RBL1: variants seen among roughly 807,000 people sequenced by gnomAD.
The protein encoded by RBL1 is RB transcriptional corepressor like 1.
A neutral mutation model predicts 123.0 loss-of-function variants in RBL1; 82 were observed. The observed-to-expected ratio is 0.67, with a 90% confidence interval of 0.56 to 0.80. The LOEUF (loss-of-function observed/expected upper bound fraction) is 0.80, where lower values mean the gene tolerates loss of function less well. RBL1 is among the 30% of genes least tolerant of loss of function. The pLI is 0.00. For synonymous variants in RBL1, 405 were observed against 441.3 expected, an observed-to-expected ratio of 0.92 and a Z score of 1.03; for missense variants, 1,171 against 1,299.6, an observed-to-expected ratio of 0.90 and a Z score of 1.52.
chr20:37,075,751 G>A (rs970437317), intron 2 of RBL1, among the ~76,000 whole-genome samples: 5 of 151,920 alleles, frequency 3.3e-5, no homozygotes, highest in South Asian at 2.1e-4. Flanking sequence ...CCACTGCACC[G>A]GCCTAATTTG....
At chr20:37,053,035 A>C (rs1194391091) in intron 11 of RBL1, among the ~76,000 whole-genome samples, 1 of 152,242 alleles carries the variant, frequency 6.6e-6, no homozygotes, top group Non-Finnish European at 1.5e-5. Flanking sequence ...AGAGCTTCAA[A>C]ATACGTGGAG....
intron 2 of RBL1, among the ~76,000 whole-genome samples, chr20:37,081,179 A>G (rs1421953350): frequency 6.6e-6 from 1 of 152,218 alleles, no homozygotes; most frequent in Non-Finnish European, 1.5e-5. Flanking sequence ...CTTGTTTAAA[A>G]TTCAGCTTTG....
In RBL1 at chr20:37,035,301, G is replaced by A. The variant is rs767900977; in HGVS notation, c.2111C>T (p.Thr704Ile). The change falls in exon 15 of 22, where the codon ACA (threonine) becomes ATA (isoleucine). Residue 704 changes from threonine to isoleucine, a missense_variant. Physicochemically the swap from Thr to Ile is moderately conservative, Grantham distance 89 (BLOSUM62 -1). Coordinates refer to ENST00000373664, the MANE Select transcript of RBL1 (RefSeq NM_002895.5). ...TCCTGTTACTGGGGCTGTGGCCATT[G>A]TTAGAAGAGTTTGACCAGGTAAAAT... ...VSILPGQTLL[T>I]MATAPVTGTT... is the part of the protein sequence containing the mutation. 12 of 1,613,838 alleles carry A rather than the reference G, an allele frequency of 7.4e-6. No homozygotes were observed. The African/African-American group carries it at 1.6e-4, about 22-fold the overall frequency.
At chr20:37,068,459 C>T (rs1314572261) in intron 2 of RBL1, among the ~76,000 whole-genome samples, 1 of 151,922 alleles carries the variant, frequency 6.6e-6, no homozygotes, top group Admixed American at 6.6e-5. Context: ...GTACTCCAGC[C>T]CGGGTGACAA....
At chr20:37,004,003 A>G (rs2064029567) in intron 20 of RBL1, 137 bp from the exon 21 acceptor site, 3 of 660,058 alleles carry the variant, frequency 4.5e-6, no homozygotes, top group South Asian at 8.3e-5. Flanking sequence ...GAGAAAAAAA[A>G]TGATCCTTTA....
chr20:37,049,632 T>A, intron 11 of RBL1: 1 of 755,806 alleles, frequency 1.3e-6, no homozygotes, highest in Non-Finnish European at 2.4e-6. Context: ...CTGGAGTGTT[T>A]ATGGCAAGCC....
At position 37,003,687 on chromosome 20, in the gene RBL1, G is replaced by A; in HGVS notation, c.3036+15C>T. ...CTGTTAATCTGAAATCCAACTTTTA[G>A]CCTATTCACCTTACCTTAGAAGGGC... On this transcript the variant is annotated intron_variant, in intron 21 of 21. Coordinates refer to ENST00000373664, the MANE Select transcript of RBL1 (RefSeq NM_002895.5). 1.3e-6 allele frequency: 2 copies of A among 1,574,866 alleles called. No individual in the cohort carries two copies. The highest frequency in any genetic ancestry group is 1.7e-6 in the Non-Finnish European group (2 of 1,161,236).
At chr20:37,085,693 A>C (rs2065532501) in intron 2 of RBL1, among the ~76,000 whole-genome samples, 2 of 119,182 alleles carry the variant, frequency 1.7e-5, no homozygotes, top group South Asian at 2.5e-4. Context: ...TCACTGTGTC[A>C]CCTAGGCTGG....
chr20:37,027,190 A>G (rs2064439508), intron 16 of RBL1, among the ~76,000 whole-genome samples: 2 of 151,734 alleles, frequency 1.3e-5, no homozygotes, highest in Admixed American at 1.3e-4. Flanking sequence ...TACCAAAAAA[A>G]AAAAAAATTT....
chr20:37,083,528 T>A (rs1466653604), intron 2 of RBL1, among the ~76,000 whole-genome samples: 1 of 149,324 alleles, frequency 6.7e-6, no homozygotes, highest in Admixed American at 6.8e-5. Context: ...GGCTCACACC[T>A]GTAATCCTAG....
intron 9 of RBL1, among the ~76,000 whole-genome samples, chr20:37,060,173 A>AAAATAAAT (rs11473427): frequency 0.081 from 11,833 of 146,280 alleles, 647 homozygotes; most frequent in African/African-American, 0.13. Flanking sequence ...ACTCTGTCTC[A>AAAATAAAT]AAATAAATAA....
At chr20:37,034,867 ATTATACGT>A (rs1652146450) in intron 15 of RBL1, among the ~76,000 whole-genome samples, 1 of 152,158 alleles carries the variant, frequency 6.6e-6, no homozygotes, top group Non-Finnish European at 1.5e-5. Flanking sequence ...GATACATGTC[ATTATACGT>A]TCTCAAAATC....
intron 14 of RBL1, among the ~76,000 whole-genome samples, chr20:37,036,555 C>T (rs1484159562): frequency 2.6e-5 from 4 of 151,910 alleles, no homozygotes; most frequent in East Asian, 1.9e-4. Context: ...CTTCAGCCAC[C>T]GTGCCCGGCC....
At chr20:37,074,801 G>T (rs1352832767) in intron 2 of RBL1, among the ~76,000 whole-genome samples, 1 of 152,034 alleles carries the variant, frequency 6.6e-6, no homozygotes, top group Non-Finnish European at 1.5e-5. Flanking sequence ...CTCCAGCCTG[G>T]GTGACAGAGT....
chr20:37,036,974 G>A (rs902089443), intron 14 of RBL1, among the ~76,000 whole-genome samples: 2 of 152,096 alleles, frequency 1.3e-5, no homozygotes, highest in African/African-American at 4.8e-5. Context: ...ATGACCCCTG[G>A]CAATGATTTA....
At chr20:37,069,410 C>T (rs189431813) in intron 2 of RBL1, among the ~76,000 whole-genome samples, 1 of 150,002 alleles carries the variant, frequency 6.7e-6, no homozygotes, top group African/African-American at 2.5e-5. Context: ...TCTTCCTCGC[C>T]GCCATCCCAT....
intron 19 of RBL1, among the ~76,000 whole-genome samples, chr20:37,012,181 C>CTG (rs1247755943): frequency 6.6e-6 from 1 of 152,260 alleles, no homozygotes; most frequent in Non-Finnish European, 1.5e-5. Flanking sequence ...GGTGCCCAGG[C>CTG]TGGAGTGCAG....
At chr20:37,005,357 G>A (rs1384878004) in intron 20 of RBL1, among the ~76,000 whole-genome samples, 1 of 150,712 alleles carries the variant, frequency 6.6e-6, no homozygotes, top group East Asian at 1.9e-4. Context: ...AGTGAGCTGA[G>A]ATTGTGCCAC....
At chr20:37,045,936 G>A (rs1234343814) in intron 12 of RBL1, among the ~76,000 whole-genome samples, 1 of 152,100 alleles carries the variant, frequency 6.6e-6, no homozygotes, top group Non-Finnish European at 1.5e-5. Context: ...ATGCCAAGAA[G>A]CGTAACAGTA....
Sources: allele counts gnomAD v4.1 joint callset (sites outside exome capture counted in the v4.1 genomes callset), GRCh38; gene constraint gnomAD v4.1.1; transcripts MANE v1.5; gene names NCBI Gene and HGNC (gene_info 2026-07-23, HGNC 2026-07-21).